The following ST3GAL1 variants were observed in gnomAD, a reference collection of about 807,000 sequenced individuals.
ST3GAL1 encodes ST3 beta-galactoside alpha-2,3-sialyltransferase 1, also known as CMP-N-acetylneuraminate-beta-galactosamide-alpha-2,3-sialyltransferase 1.
In ST3GAL1, 16 loss-of-function variants were observed where a neutral mutation model predicts 34.1. The ratio of observed to expected loss-of-function variants is 0.47; its 90% CI spans 0.32 to 0.71. The LOEUF is 0.71. Among genes scored for constraint, ST3GAL1 ranks in the 30% least tolerant of loss-of-function variants. The pLI is 0.04. For synonymous variants in ST3GAL1, 191 were observed against 184.7 expected (o/e 1.03, Z -0.28); for missense variants, 353 against 447.4 (o/e 0.79, Z 1.90).
At chr8:133,528,069 G>A (rs1434474653) in intron 2 of ST3GAL1, among the ~76,000 whole-genome samples, 1 of 152,094 alleles carries the variant, frequency 6.6e-6, no homozygotes, top group African/African-American at 2.4e-5. Context: ...CAGCTACTTG[G>A]GAGGCTGAAG....
chr8:133,553,489 G>C (rs888372137), intron 1 of ST3GAL1, among the ~76,000 whole-genome samples: 3 of 152,310 alleles, frequency 2.0e-5, no homozygotes, highest in African/African-American at 7.2e-5. Context: ...TAATGACTTG[G>C]CCAATGGCTA....
At chr8:133,562,793 C>G (rs1428785873) in intron 1 of ST3GAL1, among the ~76,000 whole-genome samples, 1 of 92,634 alleles carries the variant, frequency 1.1e-5, no homozygotes, top group Non-Finnish European at 2.6e-5. Flanking sequence ...TTCTTTCTTT[C>G]TTTCCTTCCT....
intron 2 of ST3GAL1, among the ~76,000 whole-genome samples, chr8:133,532,711 T>C (rs1818192943): frequency 6.6e-6 from 1 of 152,204 alleles, no homozygotes; most frequent in African/African-American, 2.4e-5. Context: ...CAGTACCGAA[T>C]GTCCAGTGGT....
chr8:133,517,923 A>G (rs1398028244), intron 2 of ST3GAL1, among the ~76,000 whole-genome samples: 1 of 152,214 alleles, frequency 6.6e-6, no homozygotes, highest in Non-Finnish European at 1.5e-5. Flanking sequence ...CTGAGCTCAC[A>G]TTATCCATAG....
chr8:133,548,240 C>A (rs1252051303), intron 1 of ST3GAL1, among the ~76,000 whole-genome samples: 1 of 152,214 alleles, frequency 6.6e-6, no homozygotes, highest in African/African-American at 2.4e-5. Context: ...CCAACTCCCT[C>A]TCTTGGCAGC....
At chr8:133,506,556 G>A (rs750738201) in intron 2 of ST3GAL1, among the ~76,000 whole-genome samples, 5 of 152,180 alleles carry the variant, frequency 3.3e-5, no homozygotes, top group Non-Finnish European at 7.3e-5. Flanking sequence ...AGGCAGAGGT[G>A]GGCAGATCAC....
chr8:133,538,128 C>A (rs1026424437), intron 2 of ST3GAL1, among the ~76,000 whole-genome samples: 1 of 152,204 alleles, frequency 6.6e-6, no homozygotes, highest in Non-Finnish European at 1.5e-5. Flanking sequence ...GAGCAAACAG[C>A]AGGCCAGACT....
At chr8:133,474,278 C>T (rs1404884867) in intron 5 of ST3GAL1, among the ~76,000 whole-genome samples, 1 of 152,174 alleles carries the variant, frequency 6.6e-6, no homozygotes, top group African/African-American at 2.4e-5. Context: ...CTGCACAGCA[C>T]CTATGGTCCT....
In ST3GAL1 at chr8:133,541,118, T is replaced by TAGAGAGAGAGAGAGAGAGAGAGAG. The variant is rs1243400532; in HGVS notation, c.-429+4655_-429+4656insCTCTCTCTCTCTCTCTCTCTCTCT. ...AAACATATATATATATATATATATA[T>TAGAGAGAGAGAGAGAGAGAGAGAG]ATAGAGAGAGAGAGAGAGAGAGAGA... On this transcript the variant is annotated intron_variant, in intron 2 of 9. Transcript: ENST00000522652. 1.2e-4 allele frequency among the ~76,000 whole-genome samples: 6 copies of TAGAGAGAGAGAGAGAGAGAGAGAG among 52,170 alleles called. 1 individual carries two copies. The highest frequency in any genetic ancestry group is 1.9e-4 in the Admixed American group (1 of 5,182). The allele number at this position is 52,170 out of a possible 152,430, so 34.2% of individuals were successfully genotyped here.
At chr8:133,493,946 C>A (rs6471128) in intron 3 of ST3GAL1, among the ~76,000 whole-genome samples, 1 of 151,846 alleles carries the variant, frequency 6.6e-6, no homozygotes, top group Non-Finnish European at 1.5e-5. Flanking sequence ...TCCTTCTCCC[C>A]TAAATGACCA....
rs111253707 is a variant in ST3GAL1, at chr8:133,513,759, C to T, written c.-428-14570G>A. ...AAATACAAAAATAAAAATAGCCAGG[C>T]GTGGTGACTTGCGCCTATAATCCCA... On this transcript the variant is annotated intron_variant, in intron 2 of 9. Coordinates refer to ENST00000522652, the MANE Select transcript of ST3GAL1 (RefSeq NM_173344.3). Among the ~76,000 whole-genome samples, 1,162 of 151,996 alleles carry T rather than the reference C, an allele frequency of 7.6e-3. 10 individuals carry two copies. The highest frequency in any genetic ancestry group is 0.026 in the African/African-American group (1,094 of 41,450).
At chr8:133,462,304 G>C (rs181495692) in intron 8 of ST3GAL1, among the ~76,000 whole-genome samples, 11 of 152,298 alleles carry the variant, frequency 7.2e-5, no homozygotes. Context: ...GAGATGGGAG[G>C]CTGCTCAGGA....
Position 133,544,775 on chromosome 8 carries a change from C to G in ST3GAL1, c.-429+999G>C, listed in dbSNP as rs951390591. 2.0e-5 allele frequency among the ~76,000 whole-genome samples: 3 copies of G among 152,116 alleles called. No homozygotes were observed. In the East Asian group the frequency reaches 5.8e-4, roughly 29 times the overall value. On this transcript the variant is annotated intron_variant, in intron 2 of 9. Coordinates refer to ENST00000522652, the MANE Select transcript of ST3GAL1 (RefSeq NM_173344.3). The stretch of plus-strand genomic sequence containing the variant: ...CATACAGAGACCACAAGATGGCTCC[C>G]AAAGAAATTTTAAAAGTTACTCCAT...
chr8:133,525,628 C>T (rs1347622924), intron 2 of ST3GAL1, among the ~76,000 whole-genome samples: 1 of 152,152 alleles, frequency 6.6e-6, no homozygotes, highest in Non-Finnish European at 1.5e-5. Context: ...GGGACGCCTG[C>T]AGGCCTGCAC....
At chr8:133,493,166 G>C (rs928363892) in intron 3 of ST3GAL1, among the ~76,000 whole-genome samples, 1 of 152,222 alleles carries the variant, frequency 6.6e-6, no homozygotes, top group African/African-American at 2.4e-5. Context: ...GTCCCCAGCT[G>C]ATCATTAGAA....
Position 133,508,604 on chromosome 8 carries a change from G to T in ST3GAL1, c.-428-9415C>A, listed in dbSNP as rs1817415186. ...AGGAAGAGACAATCTCAGAAGCAGG[G>T]CACTCGCTCAAATTCAGAGACCTTT... On this transcript the variant is annotated intron_variant, in intron 2 of 9. Coordinates refer to ENST00000522652, the MANE Select transcript of ST3GAL1 (RefSeq NM_173344.3). The surrounding 1 kb of genome is among the most constrained non-coding windows in gnomAD (Gnocchi z 4.1). Among the ~76,000 whole-genome samples the T allele has an allele frequency of 6.6e-6, 1 of 152,092 alleles. No individual in the cohort carries two copies. The highest frequency in any genetic ancestry group is 1.5e-5 in the Non-Finnish European group (1 of 68,028).
At chr8:133,500,077 A>T (rs1817099074) in intron 2 of ST3GAL1, among the ~76,000 whole-genome samples, 1 of 152,218 alleles carries the variant, frequency 6.6e-6, no homozygotes, top group South Asian at 2.1e-4. Flanking sequence ...GAATGAGAAG[A>T]GGGTGCTCAG....
intron 2 of ST3GAL1, among the ~76,000 whole-genome samples, chr8:133,513,475 C>T (rs1817554461): frequency 6.6e-6 from 1 of 152,210 alleles, no homozygotes; most frequent in South Asian, 2.1e-4. Flanking sequence ...AGACTGAACA[C>T]ATAAGAAATG....
intron 2 of ST3GAL1, among the ~76,000 whole-genome samples, chr8:133,538,226 A>G (rs1393066640): frequency 6.6e-6 from 1 of 152,216 alleles, no homozygotes; most frequent in Non-Finnish European, 1.5e-5. Context: ...ATTAAAACCT[A>G]CTGAATGGCC....
Sources: gnomAD v4.1 joint callset for allele counts (sites outside exome capture counted in the v4.1 genomes callset) on GRCh38, gnomAD v4.1.1 for gene constraint, Gnocchi (gnomAD v3.1) non-coding constraint, MANE v1.5 for transcripts, NCBI Gene and HGNC (gene_info 2026-07-23, HGNC 2026-07-21) for gene names.